The following CARHSP1 variants were observed in gnomAD, a reference collection of about 807,000 sequenced individuals.
CARHSP1 encodes the protein calcium regulated heat stable protein 1, also known as calcium-regulated heat-stable protein 1.
Under a neutral mutation model 12.5 loss-of-function variants are expected in CARHSP1, and 14 were observed. The observed-to-expected ratio is 1.12, with a 90% CI of 0.74 to 1.75. CARHSP1 has a LOEUF of 1.75. CARHSP1 is among the 40% of genes most tolerant of loss of function. The probability of loss-of-function intolerance (pLI) is 0.00; values close to 1 mark genes in which losing one functional copy is unlikely to be tolerated. For missense variants in CARHSP1, 343 were observed against 201.6 expected (o/e 1.70, Z -4.25); for synonymous variants, 161 against 82.0 (o/e 1.96, Z -5.20).
intron 3 of CARHSP1, among the ~76,000 whole-genome samples, chr16:8,857,270 T>TTTTTTTTTG (rs2061155346): frequency 7.6e-5 from 1 of 13,134 alleles, no homozygotes; most frequent in Non-Finnish European, 1.6e-4. Flanking sequence ...TCTGTTTTTT[T>TTTTTTTTTG]TTTTTTTTTT....
chr16:8,855,434 T>G, intron 3 of CARHSP1, 108 bp from the exon 4 acceptor site: 1 of 999,732 alleles, frequency 1.0e-6, no homozygotes, highest in Non-Finnish European at 1.4e-6. Context: ...AGGCACCATC[T>G]GACCAACCAC....
chr16:8,863,393 G>A (rs906078170), intron 1 of CARHSP1, among the ~76,000 whole-genome samples: 2 of 152,136 alleles, frequency 1.3e-5, no homozygotes, highest in African/African-American at 4.8e-5. Context: ...GATTACAGGC[G>A]TGAGCCACCA....
At chr16:8,861,200 A>G (rs1596540143) in intron 1 of CARHSP1, among the ~76,000 whole-genome samples, 1 of 45,312 alleles carries the variant, frequency 2.2e-5, no homozygotes, top group Admixed American at 2.9e-4. Flanking sequence ...TTTTTTTTTT[A>G]TAGAGACAGG....
chr16:8,857,309 T>G (rs2061165626), intron 3 of CARHSP1, among the ~76,000 whole-genome samples: 2 of 138,844 alleles, frequency 1.4e-5, no homozygotes, highest in Admixed American at 7.2e-5. Context: ...TGAGATGGAG[T>G]TTTGCTCTTG....
rs1017607752 is a variant in CARHSP1 at position 8,854,364 on chromosome 16, C to G, written c.*800G>C. 1 of 152,108 alleles carries G rather than the reference C, an allele frequency of 6.6e-6. No individual in the cohort carries two copies. Among genetic ancestry groups the G allele is most frequent in the Admixed American group, 6.5e-5 (1 of 15,268 alleles). The allele number at this position is 152,108 out of a possible 1,614,324, so 9.4% of individuals were successfully genotyped here. Reference sequence around the variant, plus strand: ...CCACAAGCCCTTCCCACCACCACCACCCCAGCCCCCCGCCGCCATAATTAC... The same window carrying G: ...CCACAAGCCCTTCCCACCACCACCAGCCCAGCCCCCCGCCGCCATAATTAC... On this transcript the variant is annotated 3_prime_UTR_variant, in exon 4 of 4. Transcript: ENST00000311052.
In CARHSP1 at chr16:8,854,529, A is replaced by C. The variant is rs1478420403; in HGVS notation, c.*635T>G. The C allele has an allele frequency of 6.5e-6, 1 of 152,746 alleles. No individual in the cohort carries two copies. The highest frequency in any genetic ancestry group is 1.5e-5 in the Non-Finnish European group (1 of 68,116). The allele number at this position is 152,746 out of a possible 1,614,324, so 9.5% of individuals were successfully genotyped here. The stretch of plus-strand genomic sequence containing the variant: ...GAGTGCTGGGAGAACTGTCTTCCCC[A>C]GACAGGCAGCTATGCCGCCTCCCAC... On this transcript the variant is annotated 3_prime_UTR_variant, in exon 4 of 4. Coordinates refer to ENST00000311052, the MANE Select transcript of CARHSP1 (RefSeq NM_014316.4).
chr16:8,862,567 G>A (rs2061385143), intron 1 of CARHSP1, among the ~76,000 whole-genome samples: 1 of 152,206 alleles, frequency 6.6e-6, no homozygotes, highest in African/African-American at 2.4e-5. Flanking sequence ...AGGGGATAGG[G>A]GGAGAAGGGT....
At chr16:8,858,661 C>T (rs1170840184) in intron 2 of CARHSP1, 189 bp from the exon 3 acceptor site, 4 of 683,022 alleles carry the variant, frequency 5.9e-6, no homozygotes, top group Non-Finnish European at 9.4e-6. Flanking sequence ...GGAAAGGACT[C>T]TTTGGATGAC....
intron 3 of CARHSP1, 67 bp downstream of exon 3, chr16:8,858,282 TC>T (rs1296337580): frequency 5.7e-6 from 9 of 1,570,332 alleles, no homozygotes; most frequent in African/African-American, 2.7e-5. Context: ...TCACACACCA[TC>T]CCCACCTCCA....
At chr16:8,860,783 G>A (rs1034689392) in intron 1 of CARHSP1, among the ~76,000 whole-genome samples, 2 of 152,070 alleles carry the variant, frequency 1.3e-5, no homozygotes, top group Admixed American at 6.5e-5. Flanking sequence ...AGGTGCGGTG[G>A]CTCACACCTG....
At position 8,853,685 on chromosome 16, in the gene CARHSP1, A is replaced by G. The variant is rs1000247347; in HGVS notation, c.*1479T>C. On this transcript the variant is annotated 3_prime_UTR_variant, in exon 4 of 4. Transcript: ENST00000311052. ...ATTCTTGACTACATATAGGTCATAT[A>G]TTTCAAAAAATAATGCCTAGCTATT... The G allele has an allele frequency of 3.9e-5, 6 of 152,214 alleles. No homozygotes were observed. The highest frequency in any genetic ancestry group is 1.4e-4 in the African/African-American group (6 of 41,462). The allele number at this position is 152,214 out of a possible 1,614,324, so 9.4% of individuals were successfully genotyped here.
At chr16:8,864,344 C>G (rs1321819313) in intron 1 of CARHSP1, among the ~76,000 whole-genome samples, 2 of 152,192 alleles carry the variant, frequency 1.3e-5, no homozygotes, top group African/African-American at 4.8e-5. Context: ...TGTGCTGCCA[C>G]AGGGGACCTT....
chr16:8,862,601 T>A (rs1310212733), intron 1 of CARHSP1, among the ~76,000 whole-genome samples: 1 of 151,960 alleles, frequency 6.6e-6, no homozygotes, highest in Non-Finnish European at 1.5e-5. Flanking sequence ...CTAATCAGGG[T>A]GCCTGCAGGA....
intron 1 of CARHSP1, among the ~76,000 whole-genome samples, chr16:8,864,856 G>C (rs1009605850): frequency 6.6e-6 from 1 of 152,200 alleles, no homozygotes; most frequent in Admixed American, 6.5e-5. Context: ...CTCCTGGAAG[G>C]TTCTGGAGTT....
intron 3 of CARHSP1, among the ~76,000 whole-genome samples, chr16:8,857,166 C>T (rs112112573): frequency 1.3e-5 from 2 of 152,024 alleles, no homozygotes; most frequent in African/African-American, 4.8e-5. Flanking sequence ...ACACATGCAC[C>T]ATGCACAGCT....
chr16:8,862,720 A>C (rs879732047), intron 1 of CARHSP1, among the ~76,000 whole-genome samples: 7 of 152,172 alleles, frequency 4.6e-5, no homozygotes, highest in Non-Finnish European at 1.0e-4. Context: ...GACTGAGGCC[A>C]GTGGGGAAAC....
At chr16:8,865,080 G>T (rs546412058) in intron 1 of CARHSP1, among the ~76,000 whole-genome samples, 1 of 152,336 alleles carries the variant, frequency 6.6e-6, no homozygotes, top group East Asian at 1.9e-4. Context: ...TTACACTCTA[G>T]TAAGAGGGAG....
intron 3 of CARHSP1, among the ~76,000 whole-genome samples, chr16:8,856,880 A>AGGATGT (rs2061131156): frequency 1.3e-5 from 2 of 152,142 alleles, no homozygotes; most frequent in African/African-American, 4.8e-5. Context: ...GCCCAGCCCT[A>AGGATGT]GGATGTGTGC....
chr16:8,865,432 T>G (rs1379217161), intron 1 of CARHSP1, among the ~76,000 whole-genome samples: 4 of 152,174 alleles, frequency 2.6e-5, no homozygotes, highest in Non-Finnish European at 5.9e-5. Flanking sequence ...CTTAATAGCT[T>G]CAGCCCCTTT....
Sources: gnomAD v4.1 joint callset for allele counts (sites outside exome capture counted in the v4.1 genomes callset) on GRCh38, gnomAD v4.1.1 for gene constraint, MANE v1.5 for transcripts, NCBI Gene and HGNC (gene_info 2026-07-23, HGNC 2026-07-21) for gene names.